The following EBF1 variants were observed in gnomAD, a reference collection of about 807,000 sequenced individuals.
EBF1 encodes the protein EBF transcription factor 1.
In EBF1, 10 loss-of-function variants were observed where a neutral mutation model predicts 68.4. That is an observed-to-expected ratio of 0.15 (90% confidence interval 0.09 to 0.25). The LOEUF (loss-of-function observed/expected upper bound fraction) is 0.25, where lower values mean the gene tolerates loss of function less well. EBF1 is among the 10% of genes least tolerant of loss of function. The probability of loss-of-function intolerance (pLI) is 1.00; values close to 1 mark genes in which losing one functional copy is unlikely to be tolerated. For missense variants in EBF1, 509 were observed against 794.4 expected (o/e 0.64, Z 4.32); for synonymous variants, 298 against 299.8 (o/e 0.99, Z 0.06).
chr5:158,710,059 A>AT (rs1211551676), intron 14 of EBF1, among the ~76,000 whole-genome samples: 1 of 152,086 alleles, frequency 6.6e-6, no homozygotes, highest in Admixed American at 6.6e-5. Context: ...GGAATGTCTT[A>AT]TTTTTTTATT....
At chr5:158,912,700 G>T (rs1345921855) in intron 6 of EBF1, among the ~76,000 whole-genome samples, 2 of 152,134 alleles carry the variant, frequency 1.3e-5, no homozygotes, top group East Asian at 3.8e-4. Flanking sequence ...GCTCCACTTT[G>T]CAGATATAAT....
At chr5:158,788,152 AG>A (rs1482048352) in intron 9 of EBF1, among the ~76,000 whole-genome samples, 2 of 152,210 alleles carry the variant, frequency 1.3e-5, no homozygotes, top group Non-Finnish European at 1.5e-5. Context: ...CCTGCATTCA[AG>A]GAAGAGGGAA....
intron 6 of EBF1, among the ~76,000 whole-genome samples, chr5:158,860,519 A>G (rs796704598): frequency 5.9e-5 from 9 of 152,332 alleles, no homozygotes; most frequent in African/African-American, 2.2e-4. Flanking sequence ...CCATGTGGAC[A>G]GGAGCCACCT....
intron 4 of EBF1, among the ~76,000 whole-genome samples, chr5:159,088,284 T>C (rs1781066164): frequency 2.0e-5 from 3 of 152,170 alleles, no homozygotes. Flanking sequence ...ATGTCTCTGA[T>C]GCAGAGTGGC....
intron 10 of EBF1, among the ~76,000 whole-genome samples, chr5:158,736,358 C>CATTCCAACATTGGCT (rs1440471997): frequency 5.3e-5 from 8 of 152,204 alleles, no homozygotes; most frequent in African/African-American, 1.9e-4. Context: ...CTTTGGGTGC[C>CATTCCAACATTGGCT]ATTCCAACAT....
intron 6 of EBF1, among the ~76,000 whole-genome samples, chr5:159,058,161 C>T (rs1268519235): frequency 2.6e-5 from 4 of 152,162 alleles, no homozygotes; most frequent in African/African-American, 4.8e-5. Context: ...TAAACCCAGC[C>T]GTTTAATCAG....
intron 6 of EBF1, among the ~76,000 whole-genome samples, chr5:158,941,903 G>A (rs561128082): frequency 3.0e-4 from 46 of 152,244 alleles, no homozygotes; most frequent in Non-Finnish European, 5.3e-4. Context: ...GTGATTCGTC[G>A]GATGGGAAGG....
intron 11 of EBF1, among the ~76,000 whole-genome samples, chr5:158,723,579 G>A (rs1296933913): frequency 6.6e-6 from 1 of 152,036 alleles, no homozygotes; most frequent in Non-Finnish European, 1.5e-5. Context: ...TGCGTGCCTT[G>A]AGTGCTATGT....
At chr5:158,809,341 T>A (rs1018537915) in intron 8 of EBF1, among the ~76,000 whole-genome samples, 2 of 152,168 alleles carry the variant, frequency 1.3e-5, no homozygotes, top group African/African-American at 2.4e-5. Flanking sequence ...TCCATGTTGA[T>A]TGATATAGTC....
chr5:158,970,590 A>G (rs1408903225), intron 6 of EBF1, among the ~76,000 whole-genome samples: 1 of 152,234 alleles, frequency 6.6e-6, no homozygotes, highest in African/African-American at 2.4e-5. Flanking sequence ...TTTGTACTCA[A>G]AGTTGACTCA....
At chr5:159,026,228 C>T (rs1277115502) in intron 6 of EBF1, among the ~76,000 whole-genome samples, 4 of 152,086 alleles carry the variant, frequency 2.6e-5, no homozygotes, top group Non-Finnish European at 5.9e-5. Context: ...TGAAATTCTA[C>T]AGCCAGACTT....
At chr5:158,706,255 A>T in intron 15 of EBF1, among the ~76,000 whole-genome samples, 1 of 149,338 alleles carries the variant, frequency 6.7e-6, no homozygotes. Context: ...TAGAGTGGGG[A>T]AGAGCGGCGT....
intron 15 of EBF1, among the ~76,000 whole-genome samples, chr5:158,703,557 G>C (rs1757205144): frequency 6.7e-6 from 1 of 149,094 alleles, no homozygotes; most frequent in African/African-American, 2.5e-5. Context: ...TTTTTTAACA[G>C]GACATTTTGT....
intron 4 of EBF1, among the ~76,000 whole-genome samples, chr5:159,087,901 G>A (rs1256698001): frequency 1.3e-5 from 2 of 152,148 alleles, no homozygotes; most frequent in Admixed American, 1.3e-4. Flanking sequence ...AGGGAGGAGT[G>A]CAAGCATGAA....
intron 6 of EBF1, among the ~76,000 whole-genome samples, chr5:159,057,708 A>T (rs907716781): frequency 2.0e-5 from 3 of 152,186 alleles, no homozygotes; most frequent in Non-Finnish European, 2.9e-5. Context: ...CAGCTTTCTC[A>T]TCTTTAAAAT....
intron 2 of EBF1, 125 bp downstream of exon 2, chr5:159,096,849 G>A: frequency 3.1e-6 from 4 of 1,292,938 alleles, no homozygotes; most frequent in Admixed American, 2.5e-5. Flanking sequence ...AGTGGCTTGG[G>A]GGACCCCCAC....
rs566963207 is a variant in EBF1, at chr5:158,702,411, T to A, written c.1745-3269A>T. Among the ~76,000 whole-genome samples the A allele has an allele frequency of 1.4e-4, 22 of 152,230 alleles. No individual in the cohort carries two copies. The South Asian group carries it at 2.9e-3, about 20-fold the overall frequency. ...CATGTGCCAAGACATCACAAGACCA[T>A]GGTGGCTCTGCCATTTTCCCCAGCA... is the stretch of plus-strand genomic sequence containing the variant. On this transcript the variant is annotated intron_variant, in intron 15 of 15. Coordinates refer to ENST00000313708, the MANE Select transcript of EBF1 (RefSeq NM_024007.5).
intron 6 of EBF1, among the ~76,000 whole-genome samples, chr5:159,035,973 C>G (rs542985890): frequency 5.3e-5 from 8 of 152,286 alleles, no homozygotes; most frequent in Admixed American, 4.6e-4. Context: ...CTTTCCTGAC[C>G]CCCAGTGGTG....
chr5:158,978,762 G>T (rs1757281805), intron 6 of EBF1, among the ~76,000 whole-genome samples: 1 of 147,328 alleles, frequency 6.8e-6, no homozygotes, highest in Non-Finnish European at 1.5e-5. Context: ...GTTTCTTGAA[G>T]GTAAAAGAAT....
Sources: allele counts gnomAD v4.1 joint callset (sites outside exome capture counted in the v4.1 genomes callset), GRCh38; gene constraint gnomAD v4.1.1; transcripts MANE v1.5; gene names NCBI Gene and HGNC (gene_info 2026-07-23, HGNC 2026-07-21).